The following SGK2 variants were observed in gnomAD, a reference collection of about 807,000 sequenced individuals.
SGK2 encodes the protein serine/threonine-protein kinase Sgk2.
A neutral mutation model predicts 47.5 loss-of-function variants in SGK2; 36 were observed. The ratio of observed to expected loss-of-function variants is 0.76; its 90% CI spans 0.58 to 1.00. The LOEUF is 1.00. Among genes scored for constraint, SGK2 ranks in the 50% least tolerant of loss-of-function variants. The pLI is 0.00. For synonymous variants in SGK2, 157 were observed against 181.9 expected (o/e 0.86, Z 1.10); for missense variants, 404 against 467.4 (o/e 0.86, Z 1.25).
intron 1 of SGK2, among the ~76,000 whole-genome samples, chr20:43,560,612 A>G (rs1229450432): frequency 6.6e-6 from 1 of 152,126 alleles, no homozygotes; most frequent in Non-Finnish European, 1.5e-5. Flanking sequence ...ACGTGCAGAC[A>G]TGTCTTTTGT....
At chr20:43,565,462 G>T (rs374039311) in intron 1 of SGK2, among the ~76,000 whole-genome samples, 1 of 152,224 alleles carries the variant, frequency 6.6e-6, no homozygotes, top group East Asian at 1.9e-4. Flanking sequence ...GCAGGGCTGG[G>T]CCTCTCAGGG....
chr20:43,584,052 T>C (rs1170954363), intron 12 of SGK2, among the ~76,000 whole-genome samples: 2 of 152,172 alleles, frequency 1.3e-5, no homozygotes, highest in Non-Finnish European at 2.9e-5. Flanking sequence ...CTCTCATATC[T>C]GTGGTCAGCT....
chr20:43,573,899 G>C (rs892393529), intron 9 of SGK2, among the ~76,000 whole-genome samples: 1 of 152,168 alleles, frequency 6.6e-6, no homozygotes, highest in African/African-American at 2.4e-5. Context: ...AGCTCATGTA[G>C]GAGACATGTG....
chr20:43,583,929 T>G (rs1238888297), intron 12 of SGK2, among the ~76,000 whole-genome samples: 5 of 152,156 alleles, frequency 3.3e-5, no homozygotes, highest in Admixed American at 2.6e-4. Context: ...GCCAGTGCAC[T>G]CCAGCCTGGG....
chr20:43,583,084 C>A (rs17752440), intron 12 of SGK2: 1 of 956,162 alleles, frequency 1.0e-6, no homozygotes, highest in Non-Finnish European at 1.4e-6. Flanking sequence ...ATCGAAACAG[C>A]CTGCATATCA....
chr20:43,577,745 G>GCAATTCT (rs1231452475), intron 11 of SGK2, among the ~76,000 whole-genome samples: 1 of 151,394 alleles, frequency 6.6e-6, no homozygotes, highest in African/African-American at 2.4e-5. Context: ...CCAGGTTCAA[G>GCAATTCT]CAATTCTAAT....
At chr20:43,578,043 G>A (rs1440728219) in intron 11 of SGK2, among the ~76,000 whole-genome samples, 1 of 152,136 alleles carries the variant, frequency 6.6e-6, no homozygotes, top group South Asian at 2.1e-4. Context: ...TCCATTCTTA[G>A]CAAATTCATT....
chr20:43,567,892 C>T (rs1387970896), intron 4 of SGK2, 24 bp from the exon 5 acceptor site: 2 of 1,591,576 alleles, frequency 1.3e-6, no homozygotes, highest in Admixed American at 3.3e-5. Flanking sequence ...ACCTACAGGG[C>T]CTCAAATTCA....
chr20:43,572,911 CACTT>C lies in SGK2; in HGVS notation c.597+777_597+780del, dbSNP rs1480119387. On this transcript the variant is annotated intron_variant, in intron 9 of 12. Coordinates refer to ENST00000373100, the MANE Select transcript of SGK2 (RefSeq NM_170693.3). The surrounding 1 kb of genome is among the most constrained non-coding windows in gnomAD (Gnocchi z 4.2). ...CTTGAAAATCTGGCATGAATTTTAA[CACTT>C]ACAGCCCATCTCAATTTGGAGCAGC... Among the ~76,000 whole-genome samples the C allele has an allele frequency of 2.6e-5, 4 of 151,600 alleles. No homozygotes were observed. Among genetic ancestry groups the C allele is most frequent in the African/African-American group, 4.9e-5 (2 of 41,218 alleles).
chr20:43,582,580 G>A (rs547563571), intron 12 of SGK2, among the ~76,000 whole-genome samples: 91 of 151,626 alleles, frequency 6.0e-4, no homozygotes, highest in Middle Eastern at 3.4e-3. Flanking sequence ...TAGAGATGGG[G>A]TTTTACTATG....
rs764849134 is a variant in SGK2 at position 43,585,059 on chromosome 20, T to C, written c.*43T>C. 1 of 1,574,358 alleles carries C rather than the reference T, an allele frequency of 6.4e-7. No homozygotes were observed. The highest frequency in any genetic ancestry group is 1.1e-5 in the South Asian group (1 of 88,164). On this transcript the variant is annotated 3_prime_UTR_variant, in exon 13 of 13. Transcript: ENST00000373100. Reference sequence around the variant, plus strand: ...AACTACTGAGGCCAGCTGGTATTAGTAAGGAATTACCTTCAGCTGCTAGGA... The same window carrying C: ...AACTACTGAGGCCAGCTGGTATTAGCAAGGAATTACCTTCAGCTGCTAGGA...
chr20:43,566,552 C>CGATGATGGGTGGGGG, intron 2 of SGK2, 21 bp downstream of exon 2: 5 of 1,545,150 alleles, frequency 3.2e-6, no homozygotes, highest in South Asian at 1.1e-5. Flanking sequence ...CTTGGTCCCC[C>CGATGATGGGTGGGGG]ACCCATCATC....
At chr20:43,583,526 A>G (rs536760180) in intron 12 of SGK2, 2 of 985,398 alleles carry the variant, frequency 2.0e-6, no homozygotes, top group East Asian at 1.1e-4. Flanking sequence ...GTTTGGCTCC[A>G]TAGCCCGACT....
Position 43,575,136 on chromosome 20 carries a change from A to G in SGK2, c.693+132A>G, listed in dbSNP as rs186948673. The G allele has an allele frequency of 9.4e-5, 59 of 629,030 alleles. No individual in the cohort carries two copies. In the African/African-American group the frequency reaches 9.6e-4, roughly 10 times the overall value. 39.0% of individuals were successfully genotyped at this position (629,030 alleles called of 1,614,324 possible). A position where few individuals can be genotyped will look rare whatever the true frequency, so the allele number is the denominator to read the frequency against. On this transcript the variant is annotated intron_variant, in intron 10 of 12. Coordinates refer to ENST00000373100, the MANE Select transcript of SGK2 (RefSeq NM_170693.3). ...ATTCCAGACTAAAAAAGATAACGCC[A>G]AGGTGAATATGCAAATTATTATTTT...
chr20:43,570,758 G>T, intron 7 of SGK2, 29 bp downstream of exon 7: 1 of 1,536,520 alleles, frequency 6.5e-7, no homozygotes, highest in South Asian at 1.1e-5. Context: ...TCAGAGCCAG[G>T]ACCAAGCCCT....
chr20:43,569,792 T>G (rs888929258), intron 6 of SGK2: 5 of 418,586 alleles, frequency 1.2e-5, no homozygotes, highest in Non-Finnish European at 2.2e-5. Flanking sequence ...TAGACGCACT[T>G]TGATAGGCCC....
intron 12 of SGK2, among the ~76,000 whole-genome samples, chr20:43,581,532 G>T (rs1205477717): frequency 6.6e-6 from 1 of 151,874 alleles, no homozygotes; most frequent in Non-Finnish European, 1.5e-5. Context: ...ATGTTTTTTA[G>T]ATTCTTTTTT....
chr20:43,561,547 G>A (rs1028141339), intron 1 of SGK2, among the ~76,000 whole-genome samples: 19 of 151,852 alleles, frequency 1.3e-4, no homozygotes, highest in African/African-American at 2.9e-4. Flanking sequence ...ATATCACCAC[G>A]CCCAGCTAAT....
chr20:43,580,203 A>G (rs1373490401), intron 12 of SGK2, 142 bp downstream of exon 12: 1 of 579,856 alleles, frequency 1.7e-6, no homozygotes, highest in African/African-American at 1.9e-5. Flanking sequence ...TCAGTTAGAG[A>G]CAGAACTGGG....
Sources: allele counts gnomAD v4.1 joint callset (sites outside exome capture counted in the v4.1 genomes callset), GRCh38; gene constraint gnomAD v4.1.1; non-coding constraint Gnocchi (gnomAD v3.1); transcripts MANE v1.5; gene names NCBI Gene and HGNC (gene_info 2026-07-23, HGNC 2026-07-21).